The following FTCDNL1 variants were observed in gnomAD, a reference collection of about 807,000 sequenced individuals.
FTCDNL1 encodes the protein formiminotransferase cyclodeaminase N-terminal like, also known as formiminotransferase N-terminal subdomain-containing protein.
A neutral mutation model predicts 5.9 loss-of-function variants in FTCDNL1; 11 were observed. The ratio of observed to expected loss-of-function variants is 1.87; its 90% CI spans 1.18 to 3.10. The LOEUF (loss-of-function observed/expected upper bound fraction) is 3.10. FTCDNL1 is among the 30% of genes most tolerant of loss of function. The probability of loss-of-function intolerance (pLI) is 0.00; values close to 1 mark genes in which losing one functional copy is unlikely to be tolerated. For synonymous variants in FTCDNL1, 58 were observed against 24.8 expected, an observed-to-expected ratio of 2.34 and a Z score of -3.99; for missense variants, 115 against 65.5, an observed-to-expected ratio of 1.76 and a Z score of -2.61.
chr2:199,759,395 A>T (rs1698184667), downstream of FTCDNL1, among the ~76,000 whole-genome samples: 1 of 151,540 alleles, frequency 6.6e-6, no homozygotes, highest in Non-Finnish European at 1.5e-5. Context: ...CCTGCGAGTT[A>T]GGAGATTTGG....
chr2:199,806,567 G>A (rs776791861), downstream of FTCDNL1, among the ~76,000 whole-genome samples: 74 of 152,100 alleles, frequency 4.9e-4, no homozygotes, highest in Non-Finnish European at 4.9e-4. Context: ...GACCACGGAC[G>A]CCACTTCCAA....
chr2:199,761,448 A>G (rs1226089325), intron 3 of FTCDNL1, among the ~76,000 whole-genome samples: 1 of 152,202 alleles, frequency 6.6e-6, no homozygotes, highest in Non-Finnish European at 1.5e-5. Context: ...CCCACTTGCC[A>G]TAAATAGAGC....
chr2:199,740,830 T>A, the FTCDNL1 span, among the ~76,000 whole-genome samples: 1 of 152,150 alleles, frequency 6.6e-6, no homozygotes, highest in Non-Finnish European at 1.5e-5. Flanking sequence ...AACTCTCGAT[T>A]TGAAAATTTG....
chr2:199,814,666 A>G (rs1701242750), intron 4 of FTCDNL1, among the ~76,000 whole-genome samples: 1 of 152,196 alleles, frequency 6.6e-6, no homozygotes. Flanking sequence ...TGCTCCAATT[A>G]TAGGTTACAT....
the FTCDNL1 span, among the ~76,000 whole-genome samples, chr2:199,727,511 G>A: frequency 2.0e-5 from 3 of 152,230 alleles, no homozygotes; most frequent in Non-Finnish European, 4.4e-5. Context: ...TTTAGCTGGG[G>A]ATGGGAGTTC....
chr2:199,798,608 C>T (rs1004934198), intron 3 of FTCDNL1, among the ~76,000 whole-genome samples: 2 of 152,302 alleles, frequency 1.3e-5, no homozygotes, highest in African/African-American at 4.8e-5. Context: ...TCATCCATCC[C>T]TTCCTCTTCA....
intron 3 of FTCDNL1, among the ~76,000 whole-genome samples, chr2:199,833,992 T>G (rs552345816): frequency 1.3e-5 from 2 of 152,186 alleles, no homozygotes; most frequent in Admixed American, 1.3e-4. Context: ...ACAGGCTGAA[T>G]TGCGTTCTCC....
At chr2:199,673,144 A>G in the FTCDNL1 span, among the ~76,000 whole-genome samples, 10 of 152,136 alleles carry the variant, frequency 6.6e-5, no homozygotes, top group East Asian at 2.0e-3. Context: ...CCTGGTCAAC[A>G]TGGTGAAACC....
chr2:199,670,509 CA>C, the FTCDNL1 span, among the ~76,000 whole-genome samples: 1 of 152,116 alleles, frequency 6.6e-6, no homozygotes, highest in Non-Finnish European at 1.5e-5. Context: ...TTGCAGAAAA[CA>C]CATTCAGGCA....
chr2:199,725,928 G>T, the FTCDNL1 span, among the ~76,000 whole-genome samples: 1 of 152,060 alleles, frequency 6.6e-6, no homozygotes, highest in Non-Finnish European at 1.5e-5. Flanking sequence ...TTGAATGTTG[G>T]CCTGTCTTGC....
intron 3 of FTCDNL1, among the ~76,000 whole-genome samples, chr2:199,830,156 T>A (rs1303434487): frequency 1.3e-5 from 2 of 152,150 alleles, no homozygotes; most frequent in African/African-American, 4.8e-5. Context: ...TTTTATTTAG[T>A]TGATTTCTTA....
At chr2:199,828,974 G>A (rs140488373) in intron 3 of FTCDNL1, among the ~76,000 whole-genome samples, 27 of 152,122 alleles carry the variant, frequency 1.8e-4, no homozygotes, top group South Asian at 1.7e-3. Context: ...TCGTGTTAAC[G>A]TTTTATGCTC....
At chr2:199,676,084 G>A in the FTCDNL1 span, among the ~76,000 whole-genome samples, 1 of 152,138 alleles carries the variant, frequency 6.6e-6, no homozygotes, top group South Asian at 2.1e-4. Flanking sequence ...CTCAGAAGTT[G>A]CATACATCTG....
At chr2:199,750,565 A>G in the FTCDNL1 span, among the ~76,000 whole-genome samples, 1 of 152,182 alleles carries the variant, frequency 6.6e-6, no homozygotes, top group Non-Finnish European at 1.5e-5. Context: ...TCATTGCCTG[A>G]AGAGAAAGAA....
rs1413376678 is a variant in FTCDNL1 at position 199,846,140 on chromosome 2, T to C, written c.146A>G (p.Asn49Ser). 4.3e-6 allele frequency: 3 copies of C among 699,570 alleles called. No individual in the cohort carries two copies. The highest frequency in any genetic ancestry group is 4.0e-5 in the Admixed American group (2 of 49,562). The allele number at this position is 699,570 out of a possible 1,614,324, so 43.3% of individuals were successfully genotyped here. The change falls in exon 3 of 5, where the codon AAT becomes AGT. Residue 49 changes from asparagine (N) to serine (S), a missense_variant. By Grantham distance (46) the Asn-to-Ser change is conservative. Transcript: ENST00000420128. The part of the protein sequence containing the change: ...GKKHPQVSVL[N>S]IFSDQDYKRS... The stretch of plus-strand genomic sequence containing the variant: ...CTTGTAGTCTTGATCGGAAAATATA[T>C]TGAGCACTGAAACTTGAGGATGTTT...
the FTCDNL1 span, among the ~76,000 whole-genome samples, chr2:199,727,672 G>A: frequency 0.017 from 2,640 of 152,248 alleles, 90 homozygotes; most frequent in African/African-American, 0.06. Context: ...TTTGTTCTCA[G>A]TGGGAGCCAC....
chr2:199,758,289 T>C (rs964099585), downstream of FTCDNL1, among the ~76,000 whole-genome samples: 2 of 151,982 alleles, frequency 1.3e-5, no homozygotes, highest in Non-Finnish European at 2.9e-5. Context: ...TATTTTAAAA[T>C]TGCTATAAAT....
At position 199,810,253 on chromosome 2, in the gene FTCDNL1, A is replaced by G. The variant is rs1340476452; in HGVS notation, c.*2452T>C. ...ACCCACCACTCCCTCTCTCCGAAAC[A>G]AACTCCTGTCATTATTGAATTAGGT... On this transcript the variant is annotated 3_prime_UTR_variant, in exon 5 of 5. Transcript: ENST00000420128. Among the ~76,000 whole-genome samples, 1 of 152,158 alleles carries G rather than the reference A, an allele frequency of 6.6e-6. No individual in the cohort carries two copies. Among genetic ancestry groups the G allele is most frequent in the African/African-American group, 2.4e-5 (1 of 41,432 alleles).
At chr2:199,697,232 G>A in the FTCDNL1 span, among the ~76,000 whole-genome samples, 15 of 152,054 alleles carry the variant, frequency 9.9e-5, no homozygotes, top group African/African-American at 2.9e-4. Flanking sequence ...AGATCACGCC[G>A]CTGTGCTCCA....
Sources: allele counts gnomAD v4.1 joint callset (sites outside exome capture counted in the v4.1 genomes callset), GRCh38; gene constraint gnomAD v4.1.1; transcripts MANE v1.5; gene names NCBI Gene and HGNC (gene_info 2026-07-23, HGNC 2026-07-21).